Variants in ADAM10 observed in about 807,000 individuals in gnomAD.
ADAM10 encodes the protein ADAM metallopeptidase domain 10, also known as disintegrin and metalloproteinase domain-containing protein 10.
A neutral mutation model predicts 90.1 loss-of-function variants in ADAM10; 17 were observed. That is an observed-to-expected ratio of 0.19 (90% CI 0.13 to 0.28). ADAM10 has a LOEUF of 0.28. Ranked by LOEUF, ADAM10 falls within the 10% of genes least tolerant of loss-of-function variation. The pLI is 1.00. For synonymous variants in ADAM10, 310 were observed against 298.6 expected, an observed-to-expected ratio of 1.04 and a Z score of -0.40; for missense variants, 610 against 914.3, an observed-to-expected ratio of 0.67 and a Z score of 4.29.
chr15:58,611,591 T>C lies in ADAM10; in HGVS notation c.1695+217A>G, dbSNP rs555370450. ...CACATGCCGAGTTGTACAACTATGT[T>C]TCTCTAGAGAATATCAACCACATGT... On this transcript the variant is annotated intron_variant, in intron 12 of 15. Transcript: ENST00000260408. 20 of 534,642 alleles carry C rather than the reference T, an allele frequency of 3.7e-5. No homozygotes were observed. In the East Asian group the frequency reaches 6.4e-4, roughly 17 times the overall value. 33.1% of individuals were successfully genotyped at this position (534,642 alleles called of 1,614,324 possible). A position where few individuals can be genotyped will look rare whatever the true frequency, so the allele number is the denominator to read the frequency against.
chr15:58,742,805 G>A (rs1899658458), intron 1 of ADAM10, among the ~76,000 whole-genome samples: 1 of 152,150 alleles, frequency 6.6e-6, no homozygotes, highest in Non-Finnish European at 1.5e-5. Flanking sequence ...AGGGTTGCTT[G>A]GAAGAGCATT....
At chr15:58,657,341 G>A (rs531221843) in intron 5 of ADAM10, among the ~76,000 whole-genome samples, 1 of 151,990 alleles carries the variant, frequency 6.6e-6, no homozygotes, top group Admixed American at 6.6e-5. Flanking sequence ...GCCCTTTTGA[G>A]GCTATTTCCT....
intron 1 of ADAM10, among the ~76,000 whole-genome samples, chr15:58,742,083 T>G (rs1899633287): frequency 6.6e-6 from 1 of 152,228 alleles, no homozygotes; most frequent in African/African-American, 2.4e-5. Context: ...ATTTTGGCAT[T>G]TCATTTACTC....
At position 58,597,194 on chromosome 15, in the gene ADAM10, T is replaced by C; in HGVS notation, c.*353A>G. ...GTTGAAAAAAATATATTTATTTCAATTTGTGGTAAAAGTTTATTGAGAGCC... is the reference window on the plus strand; with the variant it reads ...GTTGAAAAAAATATATTTATTTCAACTTGTGGTAAAAGTTTATTGAGAGCC... On this transcript the variant is annotated 3_prime_UTR_variant, in exon 16 of 16. Transcript: ENST00000260408. 2 of 603,876 alleles carry C rather than the reference T, an allele frequency of 3.3e-6. No individual in the cohort carries two copies. Among genetic ancestry groups the C allele is most frequent in the South Asian group, 4.2e-5 (2 of 47,118 alleles). 37.4% of individuals were successfully genotyped at this position (603,876 alleles called of 1,614,324 possible).
chr15:58,670,044 T>C (rs1596049905), intron 4 of ADAM10, among the ~76,000 whole-genome samples: 1 of 152,124 alleles, frequency 6.6e-6, no homozygotes, highest in South Asian at 2.1e-4. Flanking sequence ...TTCACAGACA[T>C]AAACATATGT....
intron 1 of ADAM10, among the ~76,000 whole-genome samples, chr15:58,725,385 A>AC: frequency 6.7e-6 from 1 of 150,198 alleles, no homozygotes; most frequent in African/African-American, 2.4e-5. Context: ...AAAAAAAAAA[A>AC]GTAAAAATTA....
intron 5 of ADAM10, among the ~76,000 whole-genome samples, chr15:58,653,447 C>CAA (rs1896736292): frequency 6.6e-6 from 1 of 152,150 alleles, no homozygotes; most frequent in African/African-American, 2.4e-5. Flanking sequence ...ATTTTATCAA[C>CAA]TGCTTTTTCA....
intron 2 of ADAM10, chr15:58,691,081 T>C (rs760960728): frequency 9.4e-6 from 6 of 636,672 alleles, no homozygotes; most frequent in Non-Finnish European, 1.8e-5. Flanking sequence ...TGCGCTTTCA[T>C]GATCCACTTC....
chr15:58,748,604 A>T (rs2140858457), intron 1 of ADAM10: 1 of 248,228 alleles, frequency 4.0e-6, no homozygotes, highest in South Asian at 1.7e-4. Flanking sequence ...CAATCCACTA[A>T]CTACACTGTA....
chr15:58,673,699 T>C (rs1275604278), intron 4 of ADAM10, among the ~76,000 whole-genome samples: 1 of 151,938 alleles, frequency 6.6e-6, no homozygotes, highest in Non-Finnish European at 1.5e-5. Context: ...TTCCAGATTC[T>C]GCTAAAAAGA....
intron 8 of ADAM10, among the ~76,000 whole-genome samples, 158 bp from the exon 9 acceptor site, chr15:58,633,517 A>G (rs1424691496): frequency 1.3e-5 from 2 of 152,228 alleles, no homozygotes; most frequent in Non-Finnish European, 2.9e-5. Flanking sequence ...TTGGTCCAAG[A>G]CTAAGAAGTC....
intron 10 of ADAM10, among the ~76,000 whole-genome samples, chr15:58,626,572 A>T (rs1251916639): frequency 6.6e-6 from 1 of 152,202 alleles, no homozygotes; most frequent in African/African-American, 2.4e-5. Flanking sequence ...GACATAACAG[A>T]TGACTGGAAG....
Position 58,593,911 on chromosome 15 carries a change from A to G in ADAM10, c.*3636T>C, listed in dbSNP as rs1361682581. 1 of 152,236 alleles carries G rather than the reference A, an allele frequency of 6.6e-6. No individual in the cohort carries two copies. The highest frequency in any genetic ancestry group is 1.5e-5 in the Non-Finnish European group (1 of 68,038). 9.4% of individuals were successfully genotyped at this position (152,236 alleles called of 1,614,324 possible). On this transcript the variant is annotated 3_prime_UTR_variant, in exon 16 of 16. Coordinates refer to ENST00000260408, the MANE Select transcript of ADAM10 (RefSeq NM_001110.4). ...AAATTTCTATCCTAATCATATAAAG[A>G]GTTGAATACAGAAACAATAGTGAAA...
At chr15:58,696,843 T>C (rs928261103) in intron 2 of ADAM10, among the ~76,000 whole-genome samples, 2 of 152,124 alleles carry the variant, frequency 1.3e-5, no homozygotes, top group Non-Finnish European at 2.9e-5. Context: ...ATACTGCTCA[T>C]GAACGGTCCC....
At chr15:58,624,422 C>T (rs191535360) in intron 10 of ADAM10, among the ~76,000 whole-genome samples, 148 of 152,174 alleles carry the variant, frequency 9.7e-4, no homozygotes, top group Non-Finnish European at 1.5e-3. Context: ...AAACAAATAA[C>T]GAAGTCAGAA....
At chr15:58,738,809 T>C (rs7173286) in intron 1 of ADAM10, among the ~76,000 whole-genome samples, 1 of 152,098 alleles carries the variant, frequency 6.6e-6, no homozygotes, top group South Asian at 2.1e-4. Context: ...TATACAATCT[T>C]TTTTTATTCT....
At chr15:58,664,930 T>C (rs978882466) in intron 5 of ADAM10, among the ~76,000 whole-genome samples, 167 bp downstream of exon 5, 5 of 152,176 alleles carry the variant, frequency 3.3e-5, no homozygotes, top group Admixed American at 1.3e-4. Context: ...ACCTCAGTCC[T>C]ATCTCTTTAT....
At chr15:58,648,469 T>C (rs1313760735) in intron 5 of ADAM10, among the ~76,000 whole-genome samples, 1 of 152,154 alleles carries the variant, frequency 6.6e-6, no homozygotes, top group African/African-American at 2.4e-5. Flanking sequence ...AAGTTTTATG[T>C]GTGAAAGATT....
chr15:58,642,828 A>G (rs1404710353), intron 7 of ADAM10, among the ~76,000 whole-genome samples: 1 of 152,176 alleles, frequency 6.6e-6, no homozygotes, highest in Non-Finnish European at 1.5e-5. Flanking sequence ...AATACATGAA[A>G]GCAATTAATT....
Sources: gnomAD v4.1 joint callset for allele counts (sites outside exome capture counted in the v4.1 genomes callset) on GRCh38, gnomAD v4.1.1 for gene constraint, MANE v1.5 for transcripts, NCBI Gene and HGNC (gene_info 2026-07-23, HGNC 2026-07-21) for gene names.